LRP1B: variants seen among roughly 807,000 people sequenced by gnomAD.
LRP1B encodes the protein LDL receptor related protein 1B, also known as low-density lipoprotein receptor-related protein 1B.
A neutral mutation model predicts 556.6 loss-of-function variants in LRP1B; 217 were observed. The observed-to-expected ratio is 0.39, with a 90% CI of 0.35 to 0.44. The LOEUF is 0.44. Ranked by LOEUF, LRP1B falls within the 20% of genes least tolerant of loss-of-function variation. LRP1B has a pLI of 1.00. For missense variants in LRP1B, 5,053 were observed against 5,620.8 expected (o/e 0.90, Z 3.23); for synonymous variants, 2,047 against 1,865.8 (o/e 1.10, Z -2.50).
intron 41 of LRP1B, among the ~76,000 whole-genome samples, chr2:140,633,166 T>G (rs1294817407): frequency 6.6e-6 from 1 of 150,800 alleles, no homozygotes; most frequent in African/African-American, 2.4e-5. Context: ...CTAACACCAA[T>G]AAAAAGGAAA....
chr2:142,096,281 C>T (rs547800324), intron 1 of LRP1B, among the ~76,000 whole-genome samples: 55 of 151,664 alleles, frequency 3.6e-4, no homozygotes, highest in African/African-American at 1.3e-3. Flanking sequence ...ACAGTGTTTA[C>T]CCAGATAACA....
intron 3 of LRP1B, among the ~76,000 whole-genome samples, chr2:141,390,593 C>A (rs558582506): frequency 2.6e-5 from 4 of 152,254 alleles, no homozygotes; most frequent in Non-Finnish European, 5.9e-5. Context: ...TAATATTATT[C>A]AGACATAAAT....
chr2:140,549,509 C>T (rs1191681784), intron 43 of LRP1B, among the ~76,000 whole-genome samples: 1 of 152,170 alleles, frequency 6.6e-6, no homozygotes, highest in Non-Finnish European at 1.5e-5. Context: ...CTCACTGCAA[C>T]TTTCTCATTG....
intron 22 of LRP1B, among the ~76,000 whole-genome samples, chr2:140,906,980 A>AAC (rs1042817123): frequency 5.9e-5 from 9 of 151,754 alleles, no homozygotes; most frequent in Non-Finnish European, 1.3e-4. Flanking sequence ...GGTAAAAAAA[A>AAC]AAAAAACTTC....
At chr2:140,818,583 G>A (rs913013108) in intron 31 of LRP1B, among the ~76,000 whole-genome samples, 1 of 152,150 alleles carries the variant, frequency 6.6e-6, no homozygotes, top group Non-Finnish European at 1.5e-5. Context: ...TTCACTATTA[G>A]GCTATCTCAA....
intron 23 of LRP1B, among the ~76,000 whole-genome samples, chr2:140,897,362 A>G (rs1236734414): frequency 1.3e-5 from 2 of 152,180 alleles, no homozygotes; most frequent in African/African-American, 4.8e-5. Context: ...CAGTAACCAT[A>G]ACCTGTCTTT....
intron 39 of LRP1B, 44 bp from the exon 40 acceptor site, chr2:140,701,889 T>G: frequency 6.2e-7 from 1 of 1,610,246 alleles, no homozygotes; most frequent in Non-Finnish European, 8.5e-7. Context: ...CTTCGACTAA[T>G]TAAAGTCAAG....
At chr2:140,962,530 G>T (rs1033273585) in intron 18 of LRP1B, among the ~76,000 whole-genome samples, 1 of 152,088 alleles carries the variant, frequency 6.6e-6, no homozygotes, top group South Asian at 2.1e-4. Context: ...TTTAAGCTAC[G>T]GTGTTCTGTA....
intron 2 of LRP1B, among the ~76,000 whole-genome samples, chr2:141,713,267 T>C (rs978600): frequency 0.3 from 45,161 of 151,790 alleles, 6,965 homozygotes; most frequent in South Asian, 0.43. Context: ...GAGGGAGATC[T>C]TAATCCAGCT....
At chr2:140,828,923 A>G (rs2380896) in intron 31 of LRP1B, among the ~76,000 whole-genome samples, 129,195 of 151,754 alleles carry the variant, frequency 0.85, 55,553 homozygotes, top group East Asian at 0.99. Context: ...GGCTGAAAGT[A>G]AAGAGATGGA....
Position 141,137,432 on chromosome 2 carries a change from G to A in LRP1B, c.1013+50989C>T, listed in dbSNP as rs149416275. Among the ~76,000 whole-genome samples, 203 of 151,952 alleles carry A rather than the reference G, an allele frequency of 1.3e-3. 1 individual carries two copies. Among genetic ancestry groups the A allele is most frequent in the Admixed American group, 0.011 (170 of 15,202 alleles). On this transcript the variant is annotated intron_variant, in intron 7 of 90. Coordinates refer to ENST00000389484, the MANE Select transcript of LRP1B (RefSeq NM_018557.3). ...AAGATTCAAAGCTGTGCTTCTTGCA[G>A]GCGAGATGTAAAGGTTTCCAGGAAC...
chr2:141,890,626 G>A (rs1184068819), intron 1 of LRP1B, among the ~76,000 whole-genome samples: 1 of 151,582 alleles, frequency 6.6e-6, no homozygotes. Context: ...GAACACCAGG[G>A]CCCCGACAGT....
chr2:140,719,982 G>A (rs1394187399), intron 35 of LRP1B, among the ~76,000 whole-genome samples: 1 of 151,882 alleles, frequency 6.6e-6, no homozygotes, highest in Non-Finnish European at 1.5e-5. Context: ...ACACAAAGTA[G>A]GTAAAGAATG....
In LRP1B at chr2:141,547,074, G is replaced by A. The variant is rs539156096; in HGVS notation, c.206-66541C>T. On this transcript the variant is annotated intron_variant, in intron 2 of 90. Transcript: ENST00000389484. ...CTAAGCTGGAATTTCCAGTATTGTC[G>A]TAGGTAAACATTCATGGTTGTCCAA... is the stretch of plus-strand genomic sequence containing the variant. Among the ~76,000 whole-genome samples, 15 of 152,126 alleles carry A rather than the reference G, an allele frequency of 9.9e-5. No individual in the cohort carries two copies. The South Asian group carries it at 1.7e-3, about 17-fold the overall frequency.
At chr2:142,032,752 C>A (rs1283239701) in intron 1 of LRP1B, among the ~76,000 whole-genome samples, 1 of 151,710 alleles carries the variant, frequency 6.6e-6, no homozygotes, top group Non-Finnish European at 1.5e-5. Context: ...AATTTAGGGA[C>A]CATCTTGGGC....
intron 1 of LRP1B, among the ~76,000 whole-genome samples, chr2:142,054,920 GAA>G (rs1271882946): frequency 1.3e-5 from 2 of 151,986 alleles, no homozygotes; most frequent in Non-Finnish European, 2.9e-5. Flanking sequence ...TCTCTTTTAA[GAA>G]ACACTATGTT....
intron 3 of LRP1B, among the ~76,000 whole-genome samples, chr2:141,323,908 C>T (rs1373419435): frequency 1.3e-5 from 1 of 79,252 alleles, no homozygotes; most frequent in Non-Finnish European, 2.5e-5. Context: ...ACACACACAC[C>T]TGAACGAGGA....
intron 11 of LRP1B, among the ~76,000 whole-genome samples, chr2:141,044,852 G>A (rs1164051847): frequency 6.6e-6 from 1 of 151,324 alleles, no homozygotes; most frequent in Non-Finnish European, 1.5e-5. Flanking sequence ...CATTGTGGAA[G>A]TCAGTGTGGC....
chr2:141,360,900 T>C (rs57863370), intron 3 of LRP1B, among the ~76,000 whole-genome samples: 9,153 of 152,256 alleles, frequency 0.06, 381 homozygotes, highest in African/African-American at 0.11. Flanking sequence ...ACTTAGCAAA[T>C]GAAGTGATGT....
Sources: allele counts gnomAD v4.1 joint callset (sites outside exome capture counted in the v4.1 genomes callset), GRCh38; gene constraint gnomAD v4.1.1; transcripts MANE v1.5; gene names NCBI Gene and HGNC (gene_info 2026-07-23, HGNC 2026-07-21).